Variants in DGKI observed in about 807,000 individuals in gnomAD.
The protein encoded by DGKI is diacylglycerol kinase iota.
Under a neutral mutation model 147.5 loss-of-function variants are expected in DGKI, and 55 were observed. The ratio of observed to expected loss-of-function variants is 0.37; its 90% confidence interval spans 0.30 to 0.47. The LOEUF is 0.47. Ranked by LOEUF, DGKI falls within the 20% of genes least tolerant of loss-of-function variation. The pLI, the probability that DGKI is intolerant of heterozygous loss-of-function variation, is 1.00. For synonymous variants in DGKI, 469 were observed against 477.1 expected (o/e 0.98, Z 0.22); for missense variants, 1,007 against 1,323.8 (o/e 0.76, Z 3.71).
At chr7:137,446,391 C>T (rs1194236826) in intron 27 of DGKI, among the ~76,000 whole-genome samples, 1 of 152,184 alleles carries the variant, frequency 6.6e-6, no homozygotes, top group Non-Finnish European at 1.5e-5. Context: ...GTATTTCCAT[C>T]CTCACTCAGT....
intron 1 of DGKI, among the ~76,000 whole-genome samples, chr7:137,832,028 G>A (rs1346162538): frequency 6.6e-6 from 1 of 152,224 alleles, no homozygotes; most frequent in Non-Finnish European, 1.5e-5. Context: ...TTCAGGTCGT[G>A]CTGATACAAG....
rs564531792 is a variant in DGKI, at chr7:137,384,369, A to G, written c.*6851T>C. 6.6e-6 allele frequency: 1 copy of G among 150,718 alleles called. No homozygotes were observed. Among genetic ancestry groups the G allele is most frequent in the Non-Finnish European group, 1.5e-5 (1 of 67,588 alleles). 9.3% of individuals were successfully genotyped at this position (150,718 alleles called of 1,614,324 possible). A position where few individuals can be genotyped will look rare whatever the true frequency, so the allele number is the denominator to read the frequency against. ...GATTTCACATTCTCCCTTATTTCTA[A>G]CTCATTCTTTCCGTGGAAACTTAGG... On this transcript the variant is annotated 3_prime_UTR_variant, in exon 33 of 33. Coordinates refer to ENST00000614521, the MANE Select transcript of DGKI (RefSeq NM_001321708.2).
intron 3 of DGKI, among the ~76,000 whole-genome samples, chr7:137,677,094 A>C (rs1823062266): frequency 2.0e-5 from 3 of 152,214 alleles, no homozygotes; most frequent in Non-Finnish European, 4.4e-5. Flanking sequence ...ATTTTAGTCC[A>C]AACAGCTGAG....
At chr7:137,548,349 A>C (rs1352004866) in intron 20 of DGKI, among the ~76,000 whole-genome samples, 1 of 152,116 alleles carries the variant, frequency 6.6e-6, no homozygotes, top group African/African-American at 2.4e-5. Flanking sequence ...CTCATGTTGA[A>C]ATGGAATCCC....
intron 1 of DGKI, among the ~76,000 whole-genome samples, chr7:137,785,726 C>G (rs532862211): frequency 6.6e-6 from 1 of 151,902 alleles, no homozygotes; most frequent in South Asian, 2.1e-4. Flanking sequence ...AAATCCCCAA[C>G]AAAATACTAG....
intron 1 of DGKI, among the ~76,000 whole-genome samples, chr7:137,791,824 T>C (rs1324117244): frequency 6.6e-6 from 1 of 152,244 alleles, no homozygotes; most frequent in Non-Finnish European, 1.5e-5. Context: ...AACCACTCAA[T>C]CCTTTCCCCC....
intron 20 of DGKI, among the ~76,000 whole-genome samples, chr7:137,539,324 AC>A (rs1446802230): frequency 1.3e-5 from 2 of 152,192 alleles, no homozygotes; most frequent in Admixed American, 1.3e-4. Context: ...CAAGGACCAA[AC>A]AAAGGAAGCC....
intron 1 of DGKI, among the ~76,000 whole-genome samples, chr7:137,731,741 G>A (rs1007575902): frequency 1.3e-5 from 2 of 151,928 alleles, no homozygotes; most frequent in Non-Finnish European, 1.5e-5. Context: ...ATCTGGCCTC[G>A]CCACTGAATA....
chr7:137,446,706 A>T (rs1011588439), intron 27 of DGKI, among the ~76,000 whole-genome samples: 1 of 152,208 alleles, frequency 6.6e-6, no homozygotes, highest in Admixed American at 6.5e-5. Context: ...AGCCTGGGTG[A>T]CAAGAGTAAA....
At chr7:137,661,145 C>T (rs887418826) in intron 3 of DGKI, among the ~76,000 whole-genome samples, 1 of 152,072 alleles carries the variant, frequency 6.6e-6, no homozygotes, top group Non-Finnish European at 1.5e-5. Flanking sequence ...GCTTCTACTG[C>T]GGTCCTAAGA....
intron 1 of DGKI, among the ~76,000 whole-genome samples, chr7:137,697,901 C>T (rs1313687209): frequency 6.6e-6 from 1 of 151,560 alleles, no homozygotes; most frequent in East Asian, 1.9e-4. Flanking sequence ...ATTAGAATTC[C>T]TTATGTAGCT....
At chr7:137,433,040 G>A (rs1221576034) in intron 28 of DGKI, among the ~76,000 whole-genome samples, 1 of 152,118 alleles carries the variant, frequency 6.6e-6, no homozygotes, top group Non-Finnish European at 1.5e-5. Flanking sequence ...CTAAGATTTA[G>A]GGCACCCAAA....
Position 137,554,914 on chromosome 7 carries a change from C to CTT in DGKI, c.1948-2348_1948-2347dup, listed in dbSNP as rs757320303. 3.7e-3 allele frequency among the ~76,000 whole-genome samples: 401 copies of CTT among 107,420 alleles called. 6 individuals carry two copies. The highest frequency in any genetic ancestry group is 7.8e-3 in the African/African-American group (200 of 25,668). The allele number at this position is 107,420 out of a possible 152,430, so 70.5% of individuals were successfully genotyped here. A position where few individuals can be genotyped will look rare whatever the true frequency, so the allele number is the denominator to read the frequency against. On this transcript the variant is annotated intron_variant, in intron 19 of 32. Transcript: ENST00000614521. ...AGAATAGAAAACATAAAACTATTTT[C>CTT]TTTTTTTTTTTTTTTTTTTTTGAGA... is the stretch of plus-strand genomic sequence containing the variant.
chr7:137,446,020 C>A (rs28602983), intron 27 of DGKI, among the ~76,000 whole-genome samples: 53,382 of 152,088 alleles, frequency 0.35, 10,222 homozygotes, highest in East Asian at 0.63. Flanking sequence ...AAGGAAATAT[C>A]TTTCCTCCTG....
intron 1 of DGKI, among the ~76,000 whole-genome samples, chr7:137,838,036 C>T (rs1028496237): frequency 1.5e-5 from 2 of 136,822 alleles, no homozygotes; most frequent in African/African-American, 5.5e-5. Flanking sequence ...CAGAGTCTCA[C>T]TCTGTCACCA....
chr7:137,540,494 G>A (rs922942539), intron 20 of DGKI, among the ~76,000 whole-genome samples: 2 of 151,926 alleles, frequency 1.3e-5, no homozygotes, highest in Admixed American at 6.6e-5. Context: ...AAGGCCAATA[G>A]GATACAAGGT....
chr7:137,591,529 C>G (rs544513675), intron 12 of DGKI, among the ~76,000 whole-genome samples: 268 of 152,280 alleles, frequency 1.8e-3, no homozygotes, highest in African/African-American at 6.1e-3. Context: ...AGCCAGCATT[C>G]CCGGAAGACA....
chr7:137,555,174 A>G (rs966735885), intron 19 of DGKI, among the ~76,000 whole-genome samples: 2 of 150,014 alleles, frequency 1.3e-5, no homozygotes, highest in African/African-American at 4.9e-5. Flanking sequence ...TCGGCCTCCC[A>G]AAGTGCTGGG....
rs148590870 is a variant in DGKI at position 137,720,449 on chromosome 7, C to G, written c.402-30447G>C. Among the ~76,000 whole-genome samples the G allele has an allele frequency of 2.3e-3, 346 of 151,466 alleles. 1 individual carries two copies. The highest frequency in any genetic ancestry group is 4.0e-3 in the Non-Finnish European group (270 of 67,778). ...ATTTTTTTGTATTTTTAGTAGAGAC[C>G]GGGTTTCACCGTGTTAGCCAGGATG... On this transcript the variant is annotated intron_variant, in intron 1 of 32. Transcript: ENST00000614521.
Sources: gnomAD v4.1 joint callset for allele counts (sites outside exome capture counted in the v4.1 genomes callset) on GRCh38, gnomAD v4.1.1 for gene constraint, MANE v1.5 for transcripts, NCBI Gene and HGNC (gene_info 2026-07-23, HGNC 2026-07-21) for gene names.